The following STAG1 variants were observed in gnomAD, a reference collection of about 807,000 sequenced individuals.
STAG1 encodes cohesin subunit SA-1.
STAG1 carries 26 observed loss-of-function variants against 170.9 expected under a neutral mutation model. The observed-to-expected ratio is 0.15, with a 90% CI of 0.11 to 0.21. STAG1 has a LOEUF of 0.21. STAG1 is among the 10% of genes least tolerant of loss of function. The pLI is 1.00. For synonymous variants in STAG1, 514 were observed against 497.7 expected (o/e 1.03, Z -0.44); for missense variants, 964 against 1,509.5 (o/e 0.64, Z 5.99).
At chr3:136,708,075 C>T (rs190844754) in intron 1 of STAG1, among the ~76,000 whole-genome samples, 2 of 152,216 alleles carry the variant, frequency 1.3e-5, no homozygotes, top group Non-Finnish European at 2.9e-5. Context: ...CAGCCACTGT[C>T]GAGAACAATT....
rs769901929 is a variant in STAG1, at chr3:136,349,308, C to T, written c.3121G>A (p.Val1041Ile). The part of the protein sequence containing the change: ...TEQMMERRED[V>I]WLPLISYRNS... ...CTATAGGAGATGAGTGGAAGCCATACATCCTCCCTCCTTTCCATCATCTGC... is the reference window on the plus strand; with the variant it reads ...CTATAGGAGATGAGTGGAAGCCATATATCCTCCCTCCTTTCCATCATCTGC... Residue 1041 changes from valine (V) to isoleucine (I), a missense_variant, in exon 29 of 34, where the codon GTA becomes ATA. This residue lies in a region of STAG1 where 149 missense variants were observed against 301.3 expected (regional missense o/e 0.49). Coordinates refer to ENST00000383202, the MANE Select transcript of STAG1 (RefSeq NM_005862.3). The T allele has an allele frequency of 8.1e-6, 13 of 1,613,942 alleles. No individual in the cohort carries two copies. In the Admixed American group the frequency reaches 1.5e-4, roughly 19 times the overall value.
intron 13 of STAG1, among the ~76,000 whole-genome samples, chr3:136,457,268 C>T (rs1261877073): frequency 1.3e-5 from 2 of 152,156 alleles, no homozygotes; most frequent in African/African-American, 4.8e-5. Context: ...CCCCTCGTGG[C>T]CTCTGGAATG....
intron 1 of STAG1, among the ~76,000 whole-genome samples, chr3:136,681,545 T>C (rs144499814): frequency 6.2e-4 from 95 of 152,280 alleles, no homozygotes; most frequent in African/African-American, 2.2e-3. Flanking sequence ...ATATAAAGTA[T>C]CTATAAAATG....
chr3:136,651,028 A>G (rs1941199968), intron 1 of STAG1, among the ~76,000 whole-genome samples: 1 of 152,126 alleles, frequency 6.6e-6, no homozygotes, highest in South Asian at 2.1e-4. Context: ...GAAGATGACA[A>G]TGGATCGTTC....
At chr3:136,745,104 A>G (rs1360082946) in intron 1 of STAG1, among the ~76,000 whole-genome samples, 1 of 152,160 alleles carries the variant, frequency 6.6e-6, no homozygotes, top group Non-Finnish European at 1.5e-5. Flanking sequence ...TACAATGTAA[A>G]ATGTTTTTGT....
intron 1 of STAG1, among the ~76,000 whole-genome samples, chr3:136,663,594 T>C (rs957700545): frequency 2.0e-5 from 3 of 152,278 alleles, no homozygotes; most frequent in African/African-American, 4.8e-5. Context: ...CTCATGTAGA[T>C]ATAGCAAAAA....
chr3:136,548,508 T>C (rs1936253042), intron 5 of STAG1, among the ~76,000 whole-genome samples: 1 of 152,190 alleles, frequency 6.6e-6, no homozygotes, highest in Admixed American at 6.5e-5. Context: ...GTTTTGGGTA[T>C]TAAGGGTTCT....
chr3:136,662,007 G>A (rs1941598499), intron 1 of STAG1, among the ~76,000 whole-genome samples: 1 of 152,154 alleles, frequency 6.6e-6, no homozygotes, highest in African/African-American at 2.4e-5. Flanking sequence ...AGTAAATATG[G>A]TTTGCAACCT....
intron 1 of STAG1, among the ~76,000 whole-genome samples, chr3:136,647,943 T>C (rs1941088065): frequency 6.6e-6 from 1 of 152,220 alleles, no homozygotes; most frequent in Non-Finnish European, 1.5e-5. Context: ...AAATTATTGT[T>C]GATGTTTATA....
At chr3:136,713,771 C>G (rs956566482) in intron 1 of STAG1, among the ~76,000 whole-genome samples, 1 of 151,864 alleles carries the variant, frequency 6.6e-6, no homozygotes, top group Non-Finnish European at 1.5e-5. Context: ...GCCTTTAATC[C>G]CAGCGCTTTG....
intron 1 of STAG1, among the ~76,000 whole-genome samples, chr3:136,681,152 T>C (rs1226591548): frequency 6.6e-6 from 1 of 152,316 alleles, no homozygotes; most frequent in East Asian, 1.9e-4. Context: ...CTACCCACAG[T>C]TGGCTGAATC....
intron 30 of STAG1, 64 bp from the exon 31 acceptor site, chr3:136,341,615 A>G: frequency 9.5e-7 from 1 of 1,047,516 alleles, no homozygotes; most frequent in Non-Finnish European, 1.5e-6. Context: ...ATGAGCCCCA[A>G]GCTAAGAAAG....
At chr3:136,422,895 T>C (rs749127599) in intron 17 of STAG1, 38 bp from the exon 18 acceptor site, 9 of 1,592,592 alleles carry the variant, frequency 5.7e-6, no homozygotes, top group Non-Finnish European at 7.7e-6. Flanking sequence ...GTAACTACTT[T>C]AATAGTACAA....
At chr3:136,533,896 GA>G (rs1194391199) in intron 6 of STAG1, among the ~76,000 whole-genome samples, 5 of 152,082 alleles carry the variant, frequency 3.3e-5, no homozygotes, top group Non-Finnish European at 5.9e-5. Flanking sequence ...AGTGTGCATG[GA>G]ACCAAAAGAG....
chr3:136,510,750 T>A (rs564888813), intron 7 of STAG1, among the ~76,000 whole-genome samples: 2 of 152,090 alleles, frequency 1.3e-5, no homozygotes, highest in Admixed American at 1.3e-4. Flanking sequence ...TAGCTGGGAT[T>A]ACAGGTGCAC....
chr3:136,413,055 G>A (rs560308498), intron 21 of STAG1, among the ~76,000 whole-genome samples: 1 of 151,024 alleles, frequency 6.6e-6, no homozygotes, highest in East Asian at 1.9e-4. Flanking sequence ...GTACAGACAG[G>A]GTTTTGCCAT....
rs957498430 is a variant in STAG1, at chr3:136,581,773, G to T, written c.298-12912C>A. On this transcript the variant is annotated intron_variant, in intron 4 of 33. Coordinates refer to ENST00000383202, the MANE Select transcript of STAG1 (RefSeq NM_005862.3). ...CAATCAAAATGGAAATGAAAAAATG[G>T]AATTTTTTTATGGAATACCATATAT... Among the ~76,000 whole-genome samples the T allele has an allele frequency of 4.6e-5, 7 of 152,038 alleles. No individual in the cohort carries two copies. In the East Asian group the frequency reaches 1.4e-3, roughly 29 times the overall value.
At chr3:136,594,245 G>A (rs911031408) in intron 4 of STAG1, among the ~76,000 whole-genome samples, 1 of 152,080 alleles carries the variant, frequency 6.6e-6, no homozygotes, top group African/African-American at 2.4e-5. Flanking sequence ...AGCCCAGCTT[G>A]AGAATTCCTC....
At chr3:136,698,697 G>C (rs1420422193) in intron 1 of STAG1, among the ~76,000 whole-genome samples, 1 of 152,042 alleles carries the variant, frequency 6.6e-6, no homozygotes, top group African/African-American at 2.4e-5. Flanking sequence ...CGTTTGTATG[G>C]GTATCTTGCT....
Sources: gnomAD v4.1 joint callset for allele counts (sites outside exome capture counted in the v4.1 genomes callset) on GRCh38, gnomAD v4.1.1 for gene constraint, gnomAD v4.1.1 regional missense constraint, MANE v1.5 for transcripts, NCBI Gene and HGNC (gene_info 2026-07-23, HGNC 2026-07-21) for gene names.